FANCD2: variants seen among roughly 807,000 people sequenced by gnomAD.
The protein encoded by FANCD2 is FA complementation group D2.
FANCD2 carries 131 observed loss-of-function variants against 192.3 expected under a neutral mutation model. The observed-to-expected ratio is 0.68, with a 90% CI of 0.59 to 0.79. The LOEUF is 0.79. FANCD2 is among the 30% of genes least tolerant of loss of function. The probability of loss-of-function intolerance (pLI) is 0.00; values close to 1 mark genes in which losing one functional copy is unlikely to be tolerated. For synonymous variants in FANCD2, 524 were observed against 612.5 expected (o/e 0.86, Z 2.13); for missense variants, 1,508 against 1,701.6 (o/e 0.89, Z 2.00).
At chr3:10,071,149 A>T (rs1000468552) in intron 26 of FANCD2, among the ~76,000 whole-genome samples, 4 of 135,196 alleles carry the variant, frequency 3.0e-5, no homozygotes, top group Admixed American at 1.4e-4. Context: ...GAAAAAAAGA[A>T]AAAAAAAAAA....
chr3:10,058,671 T>G (rs1449630814), intron 18 of FANCD2, among the ~76,000 whole-genome samples: 2 of 152,230 alleles, frequency 1.3e-5, no homozygotes, highest in Non-Finnish European at 2.9e-5. Context: ...TGAAGGCTTA[T>G]CTTTGAACTC....
At chr3:10,093,833 T>G (rs921877584) in intron 39 of FANCD2, among the ~76,000 whole-genome samples, 1 of 152,224 alleles carries the variant, frequency 6.6e-6, no homozygotes, top group African/African-American at 2.4e-5. Flanking sequence ...TGCCCCATTC[T>G]TGTCATCTCC....
rs867043314 is a variant in FANCD2, at chr3:10,101,402, T to A, written c.*140T>A. The A allele has an allele frequency of 0.017, 8,957 of 538,072 alleles. 1 individual carries two copies. The highest frequency in any genetic ancestry group is 0.04 in the South Asian group (2,010 of 50,240). The allele number at this position is 538,072 out of a possible 1,614,324, so 33.3% of individuals were successfully genotyped here. A position where few individuals can be genotyped will look rare whatever the true frequency, so the allele number is the denominator to read the frequency against. ...CTTTTTTTTTTTTTTTTTTTTTTTT[T>A]AAAGACGGGGACTCGCTGTGTTTCC... On this transcript the variant is annotated 3_prime_UTR_variant, in exon 44 of 44. Transcript: ENST00000675286.
In FANCD2 at chr3:10,076,490, T is replaced by C. The variant is rs939900247; in HGVS notation, c.2860-1591T>C. 1.1e-4 allele frequency among the ~76,000 whole-genome samples: 16 copies of C among 152,336 alleles called. 1 individual carries two copies. The highest frequency in any genetic ancestry group is 9.2e-4 in the Admixed American group (14 of 15,292). On this transcript the variant is annotated intron_variant, in intron 29 of 43. Coordinates refer to ENST00000675286, the MANE Select transcript of FANCD2 (RefSeq NM_001018115.3). ...TTTGGACATGCTTGACTTTATTATA[T>C]GACAGAGCATAATAGCTATCCTTTA...
In FANCD2 at chr3:10,060,283, T is replaced by A; in HGVS notation, c.1657-11T>A. On this transcript the variant is annotated splice_polypyrimidine_tract_variant and intron_variant, in intron 18 of 43. Coordinates refer to ENST00000675286, the MANE Select transcript of FANCD2 (RefSeq NM_001018115.3). ...CCAGCATTTTCATCTTTCTTCATCA[T>A]CTCATTGCAGGATGACATGCACTTG... The A allele has an allele frequency of 6.3e-7, 1 of 1,587,380 alleles. No homozygotes were observed. The highest frequency in any genetic ancestry group is 8.6e-7 in the Non-Finnish European group (1 of 1,157,498).
chr3:10,062,246 TC>T lies in FANCD2; in HGVS notation c.1827+36del. 3.2e-6 allele frequency: 5 copies of T among 1,565,888 alleles called. No individual in the cohort carries two copies. The Admixed American group carries it at 5.2e-5, about 16-fold the overall frequency. Reference sequence around the variant, plus strand: ...TTTTTTCCTTTCTTTCTTTTTCCTGTCTTTTTTTTTTTTTTAGAGAGTCTCG... The same window carrying T: ...TTTTTTCCTTTCTTTCTTTTTCCTGTTTTTTTTTTTTTTTAGAGAGTCTCG... On this transcript the variant is annotated intron_variant, in intron 20 of 43. Coordinates refer to ENST00000675286, the MANE Select transcript of FANCD2 (RefSeq NM_001018115.3).
chr3:10,089,655 A>C (rs995261784), intron 36 of FANCD2, among the ~76,000 whole-genome samples: 9 of 152,080 alleles, frequency 5.9e-5, no homozygotes, highest in Non-Finnish European at 8.8e-5. Context: ...TTTTTAGTAG[A>C]GATTGGGTTT....
rs1695121091 is a variant in FANCD2, at chr3:10,098,648, C to T, written c.4186-72C>T. The stretch of plus-strand genomic sequence containing the variant: ...TATCTTCCTTTGTATTGCCTGTAAA[C>T]TCAACCTTCTCCCCTATTACCCTAA... On this transcript the variant is annotated intron_variant, in intron 42 of 43. Coordinates refer to ENST00000675286, the MANE Select transcript of FANCD2 (RefSeq NM_001018115.3). 1.9e-6 allele frequency: 3 copies of T among 1,569,912 alleles called. No individual in the cohort carries two copies. The South Asian group carries it at 3.5e-5, about 18-fold the overall frequency.
intron 26 of FANCD2, among the ~76,000 whole-genome samples, chr3:10,068,533 C>T (rs1244140979): frequency 7.9e-5 from 12 of 151,518 alleles, no homozygotes; most frequent in Admixed American, 3.3e-4. Flanking sequence ...GTTCATGGAT[C>T]GGAAGAATTA....
intron 18 of FANCD2, among the ~76,000 whole-genome samples, chr3:10,059,342 GTATTT>G (rs1384561165): frequency 7.2e-5 from 11 of 152,136 alleles, no homozygotes; most frequent in Admixed American, 5.2e-4. Flanking sequence ...CTTTACCTGA[GTATTT>G]TATTCTAGTT....
intron 20 of FANCD2, among the ~76,000 whole-genome samples, chr3:10,063,359 T>C (rs1417751548): frequency 4.0e-5 from 6 of 151,886 alleles, no homozygotes; most frequent in African/African-American, 1.5e-4. Context: ...ATTGCTTGAA[T>C]CCGGGAAGTG....
intron 18 of FANCD2, among the ~76,000 whole-genome samples, chr3:10,054,853 TAA>T (rs976967200): frequency 6.8e-6 from 1 of 147,538 alleles, no homozygotes; most frequent in Non-Finnish European, 1.5e-5. Flanking sequence ...TTTTTTTAAT[TAA>T]AAAAAAAACT....
In FANCD2 at chr3:10,043,874, A is replaced by C. The variant is rs758751922; in HGVS notation, c.1134+10A>C. 1.9e-6 allele frequency: 3 copies of C among 1,597,498 alleles called. No individual in the cohort carries two copies. Among genetic ancestry groups the C allele is most frequent in the Non-Finnish European group, 2.6e-6 (3 of 1,165,366 alleles). ...AGTATCTGAACACAAGGTAATGTTCATGTACTATGCATTTTCAGTATTGCA... is the reference window on the plus strand; with the variant it reads ...AGTATCTGAACACAAGGTAATGTTCCTGTACTATGCATTTTCAGTATTGCA... On this transcript the variant is annotated intron_variant, in intron 14 of 43. Transcript: ENST00000675286.
rs141497505 is a variant in FANCD2, at chr3:10,057,782, A to G, written c.1657-2512A>G. Among the ~76,000 whole-genome samples, 452 of 152,354 alleles carry G rather than the reference A, an allele frequency of 3.0e-3. 2 individuals are homozygous for G. Among genetic ancestry groups the G allele is most frequent in the Non-Finnish European group, 5.0e-3 (337 of 68,038 alleles). On this transcript the variant is annotated intron_variant, in intron 18 of 43. Coordinates refer to ENST00000675286, the MANE Select transcript of FANCD2 (RefSeq NM_001018115.3). ...TACCATTTACTGAATTGGAATTACT[A>G]TTAAAATTAAAAAAAACAGCATATT...
chr3:10,043,998 A>G, intron 14 of FANCD2, 134 bp downstream of exon 14: 2 of 737,982 alleles, frequency 2.7e-6, no homozygotes, highest in South Asian at 1.5e-5. Context: ...GCTCTAATAA[A>G]CATTAGCTGT....
chr3:10,069,178 T>C (rs1397104916), intron 26 of FANCD2, among the ~76,000 whole-genome samples: 1 of 152,138 alleles, frequency 6.6e-6, no homozygotes, highest in African/African-American at 2.4e-5. Context: ...GTTAAGTTCC[T>C]TTCCTCTGCA....
chr3:10,066,238 C>T (rs2087716259), intron 25 of FANCD2, among the ~76,000 whole-genome samples: 1 of 152,242 alleles, frequency 6.6e-6, no homozygotes, highest in African/African-American at 2.4e-5. Flanking sequence ...CTCACCTTCA[C>T]TGTGGAACTA....
chr3:10,098,977 G>C, intron 43 of FANCD2, 162 bp downstream of exon 43: 1 of 1,613,950 alleles, frequency 6.2e-7, no homozygotes, highest in Non-Finnish European at 8.5e-7. Context: ...ATAATTTTTG[G>C]GACCCAGAAG....
At chr3:10,064,252 T>A in intron 21 of FANCD2, 104 bp from the exon 22 acceptor site, 1 of 897,358 alleles carries the variant, frequency 1.1e-6, no homozygotes, top group Non-Finnish European at 1.9e-6. Flanking sequence ...ACTTTCTTTT[T>A]AGAAATGAGG....
Sources: allele counts gnomAD v4.1 joint callset (sites outside exome capture counted in the v4.1 genomes callset), GRCh38; gene constraint gnomAD v4.1.1; transcripts MANE v1.5; gene names NCBI Gene and HGNC (gene_info 2026-07-23, HGNC 2026-07-21).